TMEM51: variants seen among roughly 807,000 people sequenced by gnomAD.
The protein encoded by TMEM51 is chromosome 1 open reading frame 72.
In TMEM51, 8 loss-of-function variants were observed where a neutral mutation model predicts 13.6. The observed-to-expected ratio is 0.59, with a 90% CI of 0.35 to 1.07. The LOEUF is 1.07. Among genes scored for constraint, TMEM51 ranks in the 50% least tolerant of loss-of-function variants. The pLI, the probability that TMEM51 is intolerant of heterozygous loss-of-function variation, is 0.02. For synonymous variants in TMEM51, 147 were observed against 144.4 expected, an observed-to-expected ratio of 1.02 and a Z score of -0.13; for missense variants, 279 against 330.7, an observed-to-expected ratio of 0.84 and a Z score of 1.21.
At chr1:15,153,012 A>T (rs539082619), upstream of TMEM51, among the ~76,000 whole-genome samples, 1 of 152,300 alleles carries the variant, frequency 6.6e-6, no homozygotes, top group Admixed American at 6.5e-5. Flanking sequence ...GCCCGCGCGC[A>T]AGAACCCGGA....
At position 15,219,531 on chromosome 1, in the gene TMEM51, G is replaced by C. The variant is rs755376317; in HGVS notation, c.550G>C (p.Gly184Arg). ...STRADVEASP[G>R]NPPDRQNSKL... ...CAGGGCTGACGTGGAGGCCAGCCCTGGGAACCCCCCTGACAGGCAGAACTC... is the reference window on the plus strand; with the variant it reads ...CAGGGCTGACGTGGAGGCCAGCCCTCGGAACCCCCCTGACAGGCAGAACTC... Residue 184 changes from glycine (G) to arginine (R), a missense_variant, in exon 4 of 4, where the codon GGG becomes CGG. Gly to Arg is a moderately radical substitution (Grantham distance 125). Transcript: ENST00000376008. 1 of 1,614,046 alleles carries C rather than the reference G, an allele frequency of 6.2e-7. No homozygotes were observed. The highest frequency in any genetic ancestry group is 2.2e-5 in the East Asian group (1 of 44,878).
In TMEM51 at chr1:15,207,801, G is replaced by A. The variant is rs565581439; in HGVS notation, c.-266-2689G>A. Among the ~76,000 whole-genome samples the A allele has an allele frequency of 2.0e-5, 3 of 152,268 alleles. No homozygotes were observed. Among genetic ancestry groups the A allele is most frequent in the Non-Finnish European group, 4.4e-5 (3 of 68,020 alleles). ...AATACTGATACAGTCACTTTCTCAG[G>A]TCACAACGGAAATCACATTTATTCT... On this transcript the variant is annotated intron_variant, in intron 1 of 3. Coordinates refer to ENST00000376008, the MANE Select transcript of TMEM51 (RefSeq NM_001136218.2). The surrounding 1 kb of genome is among the most constrained non-coding windows in gnomAD (Gnocchi z 4.6).
At chr1:15,214,190 A>G (rs1380716283) in intron 2 of TMEM51, among the ~76,000 whole-genome samples, 1 of 151,920 alleles carries the variant, frequency 6.6e-6, no homozygotes, top group Non-Finnish European at 1.5e-5. Context: ...GATGATGACA[A>G]TGTGGTCATG....
In TMEM51 at chr1:15,178,624, C is replaced by A. The variant is rs114390493; in HGVS notation, c.-267+24670C>A. ...TCTCCTTTTATATACCTCATATACT[C>A]CAGTATCGTGAGTTAGTACTGGTGG... On this transcript the variant is annotated intron_variant, in intron 1 of 3. Coordinates refer to ENST00000376008, the MANE Select transcript of TMEM51 (RefSeq NM_001136218.2). Among the ~76,000 whole-genome samples, 684 of 152,314 alleles carry A rather than the reference C, an allele frequency of 4.5e-3. 8 individuals carry two copies. Among genetic ancestry groups the A allele is most frequent in the African/African-American group, 0.016 (652 of 41,558 alleles).
intron 1 of TMEM51, among the ~76,000 whole-genome samples, chr1:15,194,966 C>T (rs1169353822): frequency 7.1e-6 from 1 of 141,810 alleles, no homozygotes; most frequent in Non-Finnish European, 1.5e-5. Context: ...TGTGTGTCAC[C>T]CAGGCTGGAG....
intron 1 of TMEM51, among the ~76,000 whole-genome samples, chr1:15,154,168 C>T (rs973388391): frequency 6.6e-6 from 1 of 152,120 alleles, no homozygotes; most frequent in Non-Finnish European, 1.5e-5. Context: ...TCCCGCCTCC[C>T]GGGCACCGCG....
At chr1:15,217,205 AT>A in intron 3 of TMEM51, among the ~76,000 whole-genome samples, 1 of 152,270 alleles carries the variant, frequency 6.6e-6, no homozygotes, top group South Asian at 2.1e-4. Context: ...AGAAAAAAAA[AT>A]CTCATTATAT....
At chr1:15,189,891 C>T (rs12120162) in intron 1 of TMEM51, among the ~76,000 whole-genome samples, 22,305 of 152,176 alleles carry the variant, frequency 0.15, 1,709 homozygotes, top group Middle Eastern at 0.19. Flanking sequence ...GGGGCTAACC[C>T]AAGGTGGCAG....
At chr1:15,176,145 T>G (rs539749805) in intron 1 of TMEM51, among the ~76,000 whole-genome samples, 41 of 152,370 alleles carry the variant, frequency 2.7e-4, no homozygotes, top group East Asian at 1.2e-3. Flanking sequence ...GTGTTTGTAG[T>G]GCCCAACAAC....
At chr1:15,185,561 C>T (rs1205644263) in intron 1 of TMEM51, among the ~76,000 whole-genome samples, 1 of 152,246 alleles carries the variant, frequency 6.6e-6, no homozygotes, top group Non-Finnish European at 1.5e-5. Context: ...CAGTTTAATA[C>T]ACGGTTATGG....
intron 1 of TMEM51, among the ~76,000 whole-genome samples, chr1:15,194,519 G>C (rs1644006488): frequency 6.6e-6 from 1 of 152,190 alleles, no homozygotes; most frequent in African/African-American, 2.4e-5. Context: ...TGGAATTGGG[G>C]AGCCACCATT....
chr1:15,159,970 C>T (rs141157151), intron 1 of TMEM51, among the ~76,000 whole-genome samples: 155 of 152,312 alleles, frequency 1.0e-3, no homozygotes, highest in African/African-American at 3.6e-3. Context: ...GAGAACTCAC[C>T]ACAGGGAGCA....
chr1:15,184,010 T>C (rs1183523464), intron 1 of TMEM51, among the ~76,000 whole-genome samples: 1 of 152,196 alleles, frequency 6.6e-6, no homozygotes, highest in Non-Finnish European at 1.5e-5. Flanking sequence ...CTTTCTTTCC[T>C]TCTTTCCTTT....
rs575504088 is a variant in TMEM51 at position 15,210,971 on chromosome 1, A to T, written c.-194+409A>T. On this transcript the variant is annotated intron_variant, in intron 2 of 3. Transcript: ENST00000376008. ...CCAAAGAGAGGGCTGAACTTGAAGAACAAATCTACGCCACCGTTGCACACA... is the reference window on the plus strand; with the variant it reads ...CCAAAGAGAGGGCTGAACTTGAAGATCAAATCTACGCCACCGTTGCACACA... 6.6e-5 allele frequency among the ~76,000 whole-genome samples: 10 copies of T among 152,298 alleles called. No individual in the cohort carries two copies. In the East Asian group the frequency reaches 1.9e-3, roughly 29 times the overall value.
intron 1 of TMEM51, among the ~76,000 whole-genome samples, chr1:15,201,062 C>T (rs1158623376): frequency 1.3e-5 from 2 of 152,214 alleles, no homozygotes; most frequent in Non-Finnish European, 2.9e-5. Context: ...TGACTGGGCA[C>T]AATTCCTTCA....
intron 1 of TMEM51, among the ~76,000 whole-genome samples, chr1:15,209,024 T>C (rs139948117): frequency 5.5e-4 from 84 of 152,238 alleles, no homozygotes; most frequent in Admixed American, 1.6e-3. Context: ...CCCAGTACTA[T>C]TCTTCACTCT....
At chr1:15,193,027 G>A (rs892496106) in intron 1 of TMEM51, among the ~76,000 whole-genome samples, 9 of 152,284 alleles carry the variant, frequency 5.9e-5, no homozygotes, top group Non-Finnish European at 1.3e-4. Flanking sequence ...GCTGCCACCC[G>A]CCAGTTCCCG....
chr1:15,163,640 T>TTTTTTTTTTTTG (rs1553197697), intron 1 of TMEM51, among the ~76,000 whole-genome samples: 84 of 150,220 alleles, frequency 5.6e-4, no homozygotes, highest in Non-Finnish European at 8.1e-4. Context: ...TTATTTTTTG[T>TTTTTTTTTTTTG]AATAATAGCA....
intron 1 of TMEM51, among the ~76,000 whole-genome samples, chr1:15,183,588 G>A (rs1643683695): frequency 6.6e-6 from 1 of 152,170 alleles, no homozygotes. Flanking sequence ...CATAGTAAAG[G>A]CACAATATAT....
Sources: gnomAD v4.1 joint callset for allele counts (sites outside exome capture counted in the v4.1 genomes callset) on GRCh38, gnomAD v4.1.1 for gene constraint, Gnocchi (gnomAD v3.1) non-coding constraint, MANE v1.5 for transcripts, NCBI Gene and HGNC (gene_info 2026-07-23, HGNC 2026-07-21) for gene names.